Variants in GRIP1 observed in about 807,000 individuals in gnomAD.
The protein encoded by GRIP1 is glutamate receptor interacting protein 1.
Under a neutral mutation model 129.9 loss-of-function variants are expected in GRIP1, and 45 were observed. The ratio of observed to expected loss-of-function variants is 0.35; its 90% CI spans 0.27 to 0.44. GRIP1 has a LOEUF of 0.44. Among genes scored for constraint, GRIP1 ranks in the 20% least tolerant of loss-of-function variants. GRIP1 has a pLI of 1.00. For synonymous variants in GRIP1, 530 were observed against 520.8 expected, an observed-to-expected ratio of 1.02 and a Z score of -0.24; for missense variants, 1,196 against 1,396.8, an observed-to-expected ratio of 0.86 and a Z score of 2.29.
chr12:66,407,633 C>T (rs887164017), intron 15 of GRIP1, among the ~76,000 whole-genome samples: 3 of 152,154 alleles, frequency 2.0e-5, no homozygotes, highest in Admixed American at 6.5e-5. Context: ...CTGATATCCA[C>T]GGAGGGAACA....
intron 7 of GRIP1, among the ~76,000 whole-genome samples, chr12:66,477,724 A>G (rs2059663697): frequency 6.6e-6 from 1 of 152,146 alleles, no homozygotes; most frequent in South Asian, 2.1e-4. Flanking sequence ...AAATAATACC[A>G]CACATCTACA....
At chr12:66,468,657 C>G (rs2138389096) in intron 7 of GRIP1, among the ~76,000 whole-genome samples, 1 of 141,734 alleles carries the variant, frequency 7.1e-6, no homozygotes, top group Non-Finnish European at 1.5e-5. Flanking sequence ...CAAAAGGTGT[C>G]TAAATATAAA....
chr12:66,653,744 T>C (rs1206149821), intron 1 of GRIP1, among the ~76,000 whole-genome samples: 1 of 152,220 alleles, frequency 6.6e-6, no homozygotes, highest in Non-Finnish European at 1.5e-5. Context: ...AGACTGCTGC[T>C]TATGCTTAAC....
chr12:66,828,253 T>C (rs560057599), intron 1 of GRIP1, among the ~76,000 whole-genome samples: 4 of 152,326 alleles, frequency 2.6e-5, no homozygotes, highest in African/African-American at 9.6e-5. Flanking sequence ...CCATATGTGA[T>C]AGTATTAGGT....
chr12:67,044,906 GTTAGT>G (rs2135825855), intron 1 of GRIP1, among the ~76,000 whole-genome samples: 1 of 152,286 alleles, frequency 6.6e-6, no homozygotes, highest in East Asian at 1.9e-4. Flanking sequence ...CTTTATATAT[GTTAGT>G]TTATTTAATC....
At chr12:66,369,032 G>C (rs1190056755) in intron 23 of GRIP1, among the ~76,000 whole-genome samples, 4 of 152,056 alleles carry the variant, frequency 2.6e-5, no homozygotes, top group African/African-American at 9.7e-5. Context: ...ACTTAACTAG[G>C]TCATTTTAGG....
chr12:67,045,980 C>T (rs1321701518), intron 1 of GRIP1, among the ~76,000 whole-genome samples: 1 of 152,152 alleles, frequency 6.6e-6, no homozygotes, highest in African/African-American at 2.4e-5. Flanking sequence ...CAAACCTTCC[C>T]AATTTGGGGG....
At chr12:66,364,836 C>G (rs1435226302) in intron 23 of GRIP1, among the ~76,000 whole-genome samples, 1 of 152,128 alleles carries the variant, frequency 6.6e-6, no homozygotes, top group Admixed American at 6.5e-5. Context: ...CCCTCTCCCT[C>G]TCTTTTTTTC....
intron 1 of GRIP1, among the ~76,000 whole-genome samples, chr12:66,965,165 C>T (rs1451544957): frequency 6.6e-6 from 1 of 151,676 alleles, no homozygotes; most frequent in Non-Finnish European, 1.5e-5. Flanking sequence ...CTTTTTTTTG[C>T]CTGTGGCCCT....
intron 1 of GRIP1, among the ~76,000 whole-genome samples, chr12:67,009,778 T>C (rs1348506451): frequency 6.6e-6 from 1 of 152,160 alleles, no homozygotes; most frequent in East Asian, 1.9e-4. Flanking sequence ...AAAGGACAGA[T>C]ACATGAGTGT....
At chr12:66,407,957 A>G (rs893022849) in intron 15 of GRIP1, among the ~76,000 whole-genome samples, 2 of 152,162 alleles carry the variant, frequency 1.3e-5, no homozygotes, top group Admixed American at 6.5e-5. Context: ...AACTGAGTAG[A>G]GAAGAGGGGA....
intron 1 of GRIP1, among the ~76,000 whole-genome samples, chr12:66,913,832 C>T (rs2041073054): frequency 6.6e-6 from 1 of 152,134 alleles, no homozygotes; most frequent in Admixed American, 6.5e-5. Context: ...AAATATTATA[C>T]TGTTCATATC....
intron 2 of GRIP1, among the ~76,000 whole-genome samples, chr12:66,544,308 A>C (rs1004274046): frequency 3.3e-5 from 5 of 152,192 alleles, no homozygotes; most frequent in African/African-American, 1.2e-4. Context: ...TCATTGATTC[A>C]AGCACGTATT....
intron 13 of GRIP1, among the ~76,000 whole-genome samples, chr12:66,434,239 C>A (rs2058234273): frequency 6.6e-6 from 1 of 152,182 alleles, no homozygotes; most frequent in East Asian, 1.9e-4. Context: ...CTGGCCCTCT[C>A]AGCATCAGTG....
intron 2 of GRIP1, among the ~76,000 whole-genome samples, chr12:66,562,592 G>GA (rs2062577368): frequency 6.6e-6 from 1 of 152,124 alleles, no homozygotes; most frequent in African/African-American, 2.4e-5. Context: ...ACGATTTTAA[G>GA]ACACTGTGCT....
chr12:66,606,992 G>A (rs978546505), intron 1 of GRIP1, among the ~76,000 whole-genome samples: 4 of 149,056 alleles, frequency 2.7e-5, no homozygotes, highest in African/African-American at 1.0e-4. Flanking sequence ...ATCCTTACTT[G>A]GAGAGAGAGA....
intron 1 of GRIP1, among the ~76,000 whole-genome samples, chr12:66,866,486 G>A (rs1319876803): frequency 6.6e-6 from 1 of 151,968 alleles, no homozygotes; most frequent in South Asian, 2.1e-4. Flanking sequence ...TGTAGAACAT[G>A]GTGACTATAG....
intron 2 of GRIP1, among the ~76,000 whole-genome samples, chr12:66,552,938 G>A (rs1455744880): frequency 1.3e-5 from 2 of 152,134 alleles, no homozygotes; most frequent in South Asian, 4.1e-4. Context: ...GTGAGTCAGA[G>A]CTTCATGAGA....
intron 7 of GRIP1, among the ~76,000 whole-genome samples, chr12:66,504,792 C>T (rs2060482788): frequency 6.6e-6 from 1 of 152,104 alleles, no homozygotes; most frequent in African/African-American, 2.4e-5. Flanking sequence ...ATGCTGTAGT[C>T]AAATATGGAG....
Sources: gnomAD v4.1 joint callset for allele counts (sites outside exome capture counted in the v4.1 genomes callset) on GRCh38, gnomAD v4.1.1 for gene constraint, MANE v1.5 for transcripts, NCBI Gene and HGNC (gene_info 2026-07-23, HGNC 2026-07-21) for gene names.